RYR2: variants seen among roughly 807,000 people sequenced by gnomAD.
The protein encoded by RYR2 is ryanodine receptor 2.
A neutral mutation model predicts 601.1 loss-of-function variants in RYR2; 227 were observed. The ratio of observed to expected loss-of-function variants is 0.38; its 90% CI spans 0.34 to 0.42. The LOEUF (loss-of-function observed/expected upper bound fraction) is 0.42. Among genes scored for constraint, RYR2 ranks in the 10% least tolerant of loss-of-function variants. The pLI is 1.00. For missense variants in RYR2, 4,646 were observed against 6,156.5 expected, an observed-to-expected ratio of 0.75 and a Z score of 8.21; for synonymous variants, 2,223 against 2,175.1, an observed-to-expected ratio of 1.02 and a Z score of -0.61.
At chr1:237,306,231 T>G (rs1473103354) in intron 2 of RYR2, among the ~76,000 whole-genome samples, 1 of 152,188 alleles carries the variant, frequency 6.6e-6, no homozygotes, top group Non-Finnish European at 1.5e-5. Context: ...ATCCTAAAAA[T>G]TAATCCAAAG....
At chr1:237,571,337 A>T (rs1267335468) in intron 29 of RYR2, among the ~76,000 whole-genome samples, 1 of 143,680 alleles carries the variant, frequency 7.0e-6, no homozygotes, top group African/African-American at 2.6e-5. Flanking sequence ...TTTTTAAGAC[A>T]GAGTTTCACT....
chr1:237,338,416 T>C (rs1335964228), intron 3 of RYR2, among the ~76,000 whole-genome samples: 1 of 152,160 alleles, frequency 6.6e-6, no homozygotes, highest in Non-Finnish European at 1.5e-5. Flanking sequence ...TTTAAGTATA[T>C]TTTCATATTG....
chr1:237,269,950 C>G (rs1349645998), intron 1 of RYR2, among the ~76,000 whole-genome samples: 1 of 152,174 alleles, frequency 6.6e-6, no homozygotes, highest in African/African-American at 2.4e-5. Context: ...TTTTAAGCAA[C>G]CCAGGATCCT....
Position 237,831,584 on chromosome 1 carries a change from G to GTCA in RYR2, c.14808+22_14808+24dup. 1.4e-6 allele frequency: 2 copies of GTCA among 1,423,958 alleles called. No individual in the cohort carries two copies. The highest frequency in any genetic ancestry group is 2.0e-6 in the Non-Finnish European group (2 of 1,019,692). The allele number at this position is 1,423,958 out of a possible 1,614,324, so 88.2% of individuals were successfully genotyped here. ...AGGACAGGTAGGTAAATTATTACAT[G>GTCA]TCATCTTCTGAAAGAAATGATAGAG... On this transcript the variant is annotated intron_variant, in intron 104 of 104. Coordinates refer to ENST00000366574, the MANE Select transcript of RYR2 (RefSeq NM_001035.3).
chr1:237,187,949 T>C (rs912035817), intron 1 of RYR2, among the ~76,000 whole-genome samples: 4 of 152,224 alleles, frequency 2.6e-5, no homozygotes, highest in Non-Finnish European at 5.9e-5. Context: ...CTTTGCTGTT[T>C]GTGACATTGT....
intron 24 of RYR2, among the ~76,000 whole-genome samples, chr1:237,522,729 C>T (rs936484181): frequency 1.3e-5 from 2 of 152,140 alleles, no homozygotes; most frequent in African/African-American, 2.4e-5. Flanking sequence ...ATACCAAATG[C>T]CTACCTACAG....
At position 237,784,359 on chromosome 1, in the gene RYR2, C is replaced by A. The variant is rs375950722; in HGVS notation, c.12647C>A (p.Ala4216Glu). ...ISESDLNERS[A>E]NKEESEKERP... ...GAGTCGGACTTGAACGAGAGGTCAG[C>A]GAATAAGGAAGAAAGCGAGAAGGAG... The change falls in exon 90 of 105, where the codon GCG becomes GAG. Residue 4216 changes from alanine to glutamate, a missense_variant. By Grantham distance (107) the Ala-to-Glu change is moderately radical (BLOSUM62 -1). Around this residue, in one of 17 missense-constraint regions of RYR2, gnomAD observed 364 missense variants for 442.9 expected, o/e 0.82. Coordinates refer to ENST00000366574, the MANE Select transcript of RYR2 (RefSeq NM_001035.3). The surrounding 1 kb of genome is among the most constrained non-coding windows in gnomAD (Gnocchi z 7.1). 2 of 1,613,574 alleles carry A rather than the reference C, an allele frequency of 1.2e-6. No individual in the cohort carries two copies. The highest frequency in any genetic ancestry group is 1.7e-6 in the Non-Finnish European group (2 of 1,179,818).
intron 1 of RYR2, among the ~76,000 whole-genome samples, chr1:237,173,794 C>T (rs1216325081): frequency 4.6e-5 from 7 of 152,150 alleles, no homozygotes; most frequent in East Asian, 1.9e-4. Context: ...CGGTGGCTCA[C>T]GCCTGTAATC....
chr1:237,631,015 A>G (rs1680184348), intron 41 of RYR2, among the ~76,000 whole-genome samples: 1 of 152,188 alleles, frequency 6.6e-6, no homozygotes, highest in African/African-American at 2.4e-5. Context: ...GCATATATAA[A>G]TACTAGCAAC....
chr1:237,489,829 T>C (rs563763340), intron 17 of RYR2, among the ~76,000 whole-genome samples: 1 of 152,186 alleles, frequency 6.6e-6, no homozygotes, highest in Non-Finnish European at 1.5e-5. Flanking sequence ...AAAAGACACA[T>C]GCACTTAAAT....
Position 237,266,330 on chromosome 1 carries a change from T to TTGTGTGTGTG in RYR2, c.49-4153_49-4144dup, listed in dbSNP as rs3056169. 6.0e-5 allele frequency among the ~76,000 whole-genome samples: 9 copies of TTGTGTGTGTG among 149,472 alleles called. No individual in the cohort carries two copies. In the South Asian group the frequency reaches 8.5e-4, roughly 14 times the overall value. Reference sequence around the variant, plus strand: ...CTTTATTCTTGGAATAGAAACTAGATTGTGTGTGTGTGTGTGTGTGTGTAC... The same window carrying TTGTGTGTGTG: ...CTTTATTCTTGGAATAGAAACTAGATTGTGTGTGTGTGTGTGTGTGTGTGTGTGTGTGTAC... On this transcript the variant is annotated intron_variant, in intron 1 of 104. Transcript: ENST00000366574.
At chr1:237,447,304 T>C (rs1657480981) in intron 14 of RYR2, among the ~76,000 whole-genome samples, 2 of 152,232 alleles carry the variant, frequency 1.3e-5, no homozygotes, top group Non-Finnish European at 2.9e-5. Flanking sequence ...TTATGCTGGC[T>C]GAAATACCAA....
rs1337963211 is a variant in RYR2, at chr1:237,441,464, T to G, written c.1151T>G (p.Met384Arg). The change falls in exon 13 of 105, where the codon ATG becomes AGG. Residue 384 changes from methionine (M) to arginine (R), a missense_variant. By Grantham distance (91) the Met-to-Arg change is moderately conservative. This residue lies in a region of RYR2 where 1,807 missense variants were observed against 2,088.1 expected (regional missense o/e 0.87). Transcript: ENST00000366574. ...YQSVDVKSVR[M>R]GSIQRKAIMH... ...TCTGTGGACGTGAAATCCGTGAGAA[T>G]GGGATCTATACAACGTAAGGTAAGG... 3 of 1,594,896 alleles carry G rather than the reference T, an allele frequency of 1.9e-6. No homozygotes were observed. Among genetic ancestry groups the G allele is most frequent in the Non-Finnish European group, 2.6e-6 (3 of 1,169,040 alleles).
chr1:237,609,126 T>C (rs918369918), intron 35 of RYR2, among the ~76,000 whole-genome samples: 3 of 133,370 alleles, frequency 2.2e-5, no homozygotes, highest in African/African-American at 7.7e-5. Flanking sequence ...TGATCTCAGC[T>C]CACTACAACC....
intron 60 of RYR2, among the ~76,000 whole-genome samples, chr1:237,676,118 A>T (rs946952372): frequency 2.6e-5 from 4 of 152,138 alleles, no homozygotes; most frequent in African/African-American, 9.7e-5. Flanking sequence ...GCAATTTCTG[A>T]TCTACATTTG....
intron 60 of RYR2, 84 bp from the exon 61 acceptor site, chr1:237,677,964 A>G (rs983821204): frequency 2.3e-5 from 20 of 858,490 alleles, no homozygotes; most frequent in Non-Finnish European, 3.5e-5. Context: ...ACATTTAGCA[A>G]TGCTTTCTAA....
At chr1:237,593,142 T>C (rs534473672) in intron 32 of RYR2, among the ~76,000 whole-genome samples, 1 of 152,292 alleles carries the variant, frequency 6.6e-6, no homozygotes, top group East Asian at 1.9e-4. Flanking sequence ...TATGTGCACA[T>C]ATATATGTAT....
chr1:237,471,599 A>G (rs1572475339), intron 17 of RYR2, among the ~76,000 whole-genome samples: 1 of 152,208 alleles, frequency 6.6e-6, no homozygotes, highest in East Asian at 1.9e-4. Context: ...CACTGGCTGA[A>G]TCAACTGCAC....
intron 1 of RYR2, among the ~76,000 whole-genome samples, chr1:237,255,102 C>T (rs925644835): frequency 2.0e-5 from 3 of 152,138 alleles, no homozygotes; most frequent in African/African-American, 7.2e-5. Context: ...GAGCAATCTT[C>T]AATGCCAACT....
Sources: gnomAD v4.1 joint callset for allele counts (sites outside exome capture counted in the v4.1 genomes callset) on GRCh38, gnomAD v4.1.1 for gene constraint, gnomAD v4.1.1 regional missense constraint, Gnocchi (gnomAD v3.1) non-coding constraint, MANE v1.5 for transcripts, NCBI Gene and HGNC (gene_info 2026-07-23, HGNC 2026-07-21) for gene names.